Variants in NOL4 observed in about 807,000 individuals in gnomAD.
NOL4 encodes the protein nucleolar protein 4.
Under a neutral mutation model 75.9 loss-of-function variants are expected in NOL4, and 17 were observed. That is an observed-to-expected ratio of 0.22 (90% CI 0.15 to 0.34). NOL4 has a LOEUF of 0.34. NOL4 is among the 10% of genes least tolerant of loss of function. The pLI, the probability that NOL4 is intolerant of heterozygous loss-of-function variation, is 1.00. For synonymous variants in NOL4, 292 were observed against 289.9 expected (o/e 1.01, Z -0.07); for missense variants, 614 against 793.5 (o/e 0.77, Z 2.72).
chr18:33,873,572 C>T (rs2063795593), intron 10 of NOL4, among the ~76,000 whole-genome samples: 3 of 151,934 alleles, frequency 2.0e-5, no homozygotes, highest in Non-Finnish European at 4.4e-5. Flanking sequence ...AAAAAGAGAA[C>T]AAACTTTAAG....
At chr18:34,130,341 G>A (rs542161224) in intron 1 of NOL4, among the ~76,000 whole-genome samples, 1 of 151,846 alleles carries the variant, frequency 6.6e-6, no homozygotes, top group East Asian at 1.9e-4. Flanking sequence ...AATATATTTT[G>A]AGGCCCAGTA....
intron 1 of NOL4, among the ~76,000 whole-genome samples, chr18:34,170,955 A>G (rs565906258): frequency 6.6e-6 from 1 of 152,318 alleles, no homozygotes; most frequent in South Asian, 2.1e-4. Context: ...TTTGCTATAA[A>G]TAAAATACAG....
intron 10 of NOL4, among the ~76,000 whole-genome samples, chr18:33,853,632 ACCAT>A (rs1176814727): frequency 3.9e-5 from 6 of 152,060 alleles, no homozygotes; most frequent in Admixed American, 3.9e-4. Context: ...GATGTTGTTT[ACCAT>A]GTTGATTAGT....
intron 1 of NOL4, among the ~76,000 whole-genome samples, chr18:34,187,367 CTTCTTTTT>C (rs2034546148): frequency 7.6e-6 from 1 of 131,254 alleles, no homozygotes; most frequent in South Asian, 2.3e-4. Context: ...TAATAGTCCA[CTTCTTTTT>C]TTTTTTTTTT....
At chr18:33,982,742 A>ATTTT (rs953221382) in intron 6 of NOL4, among the ~76,000 whole-genome samples, 232 of 104,906 alleles carry the variant, frequency 2.2e-3, no homozygotes, top group Non-Finnish European at 3.9e-3. Context: ...AGACAATGGG[A>ATTTT]TTTTTTTTTT....
Position 33,890,912 on chromosome 18 carries a change from A to G in NOL4, c.1543-7488T>C, listed in dbSNP as rs181235392. Among the ~76,000 whole-genome samples the G allele has an allele frequency of 1.8e-3, 273 of 152,110 alleles. 3 individuals are homozygous for G. Among genetic ancestry groups the G allele is most frequent in the Admixed American group, 0.017 (256 of 15,214 alleles). On this transcript the variant is annotated intron_variant, in intron 9 of 10. Coordinates refer to ENST00000261592, the MANE Select transcript of NOL4 (RefSeq NM_003787.5). Reference sequence around the variant, plus strand: ...GTCTGGAACCAGATGGCATGTTACAATGACAGAGTGGGTGGCTGGAAAGTG... The same window carrying G: ...GTCTGGAACCAGATGGCATGTTACAGTGACAGAGTGGGTGGCTGGAAAGTG...
At chr18:34,072,369 C>G (rs2077560986) in intron 5 of NOL4, among the ~76,000 whole-genome samples, 1 of 152,052 alleles carries the variant, frequency 6.6e-6, no homozygotes, top group Non-Finnish European at 1.5e-5. Context: ...CAGGGACATC[C>G]CATAAAGACC....
chr18:34,105,694 T>C (rs1356876843), intron 2 of NOL4, among the ~76,000 whole-genome samples: 1 of 151,954 alleles, frequency 6.6e-6, no homozygotes, highest in African/African-American at 2.4e-5. Flanking sequence ...CAGTGAATCA[T>C]CCCTTCCACA....
At chr18:34,097,867 A>C (rs2078862160) in intron 4 of NOL4, among the ~76,000 whole-genome samples, 2 of 152,074 alleles carry the variant, frequency 1.3e-5, no homozygotes. Flanking sequence ...AAAGTTTTTA[A>C]TAATTATCAT....
intron 2 of NOL4, among the ~76,000 whole-genome samples, chr18:34,120,690 GA>G (rs1165588240): frequency 2.0e-5 from 3 of 152,188 alleles, no homozygotes; most frequent in Non-Finnish European, 4.4e-5. Flanking sequence ...AATGAAAAGT[GA>G]ATGTGCTACA....
At chr18:33,991,205 C>T (rs1450908835) in intron 6 of NOL4, among the ~76,000 whole-genome samples, 7 of 152,022 alleles carry the variant, frequency 4.6e-5, no homozygotes, top group African/African-American at 1.7e-4. Context: ...AACATCTGTT[C>T]TCTATCAGTC....
Position 33,958,521 on chromosome 18 carries a change from T to G in NOL4, c.1057-103A>C. The G allele has an allele frequency of 2.5e-5, 26 of 1,023,538 alleles. No homozygotes were observed. In the South Asian group the frequency reaches 5.1e-4, roughly 20 times the overall value. 63.4% of individuals were successfully genotyped at this position (1,023,538 alleles called of 1,614,324 possible). A position where few individuals can be genotyped will look rare whatever the true frequency, so the allele number is the denominator to read the frequency against. The stretch of plus-strand genomic sequence containing the variant: ...AACTGTTTCTCAAAAATCTTGTTTA[T>G]GAGTTGATAACTCTAGAGCTGTGGT... On this transcript the variant is annotated intron_variant, in intron 6 of 10. Coordinates refer to ENST00000261592, the MANE Select transcript of NOL4 (RefSeq NM_003787.5).
At chr18:33,973,152 T>TTTTGTTTGTTTA (rs2071215681) in intron 6 of NOL4, among the ~76,000 whole-genome samples, 1 of 152,206 alleles carries the variant, frequency 6.6e-6, no homozygotes, top group Admixed American at 6.5e-5. Flanking sequence ...TTCTAAATCT[T>TTTTGTTTGTTTA]TTTGTTTGTT....
At position 34,027,751 on chromosome 18, in the gene NOL4, C is replaced by T. The variant is rs1428902203; in HGVS notation, c.773-8150G>A. Among the ~76,000 whole-genome samples, 8 of 152,104 alleles carry T rather than the reference C, an allele frequency of 5.3e-5. No individual in the cohort carries two copies. The East Asian group carries it at 5.8e-4, about 11-fold the overall frequency. ...GTGTAAAGCAGTACATACAGCAAAT[C>T]GCCAAATGAAAATATAATTTTAAAA... is the stretch of plus-strand genomic sequence containing the variant. On this transcript the variant is annotated intron_variant, in intron 5 of 10. Coordinates refer to ENST00000261592, the MANE Select transcript of NOL4 (RefSeq NM_003787.5).
At chr18:34,196,659 GA>G (rs1257590911) in intron 1 of NOL4, among the ~76,000 whole-genome samples, 1 of 152,022 alleles carries the variant, frequency 6.6e-6, no homozygotes, top group East Asian at 1.9e-4. Flanking sequence ...CCATGCAATG[GA>G]AAGATTACTT....
At chr18:33,968,699 G>A (rs759480788) in intron 6 of NOL4, among the ~76,000 whole-genome samples, 16 of 151,928 alleles carry the variant, frequency 1.1e-4, no homozygotes, top group Non-Finnish European at 1.9e-4. Flanking sequence ...CTGTGTGAGG[G>A]GATCAATCAT....
intron 4 of NOL4, among the ~76,000 whole-genome samples, chr18:34,103,444 C>G (rs1378892680): frequency 6.6e-6 from 1 of 151,944 alleles, no homozygotes; most frequent in Non-Finnish European, 1.5e-5. Flanking sequence ...TCTATACATG[C>G]AGCATGTTGC....
intron 4 of NOL4, among the ~76,000 whole-genome samples, chr18:34,099,150 G>A (rs950438612): frequency 6.6e-6 from 1 of 151,596 alleles, no homozygotes; most frequent in Admixed American, 6.6e-5. Flanking sequence ...ATCACCTGAG[G>A]TCAGGAGTTT....
In NOL4 at chr18:33,889,441, G is replaced by A. The variant is rs568215841; in HGVS notation, c.1543-6017C>T. Reference sequence around the variant, plus strand: ...TTCCAGGACCAGACGGATTCTGGTAGGAATTCTACCAGAGGTACAAAGAGG... The same window carrying A: ...TTCCAGGACCAGACGGATTCTGGTAAGAATTCTACCAGAGGTACAAAGAGG... On this transcript the variant is annotated intron_variant, in intron 9 of 10. Transcript: ENST00000261592. Among the ~76,000 whole-genome samples the A allele has an allele frequency of 2.0e-5, 3 of 150,924 alleles. No homozygotes were observed. In the South Asian group the frequency reaches 6.3e-4, roughly 31 times the overall value.
Sources: gnomAD v4.1 joint callset for allele counts (sites outside exome capture counted in the v4.1 genomes callset) on GRCh38, gnomAD v4.1.1 for gene constraint, MANE v1.5 for transcripts, NCBI Gene and HGNC (gene_info 2026-07-23, HGNC 2026-07-21) for gene names.